ANO3: variants seen among roughly 807,000 people sequenced by gnomAD.
ANO3 encodes anoctamin-3.
A neutral mutation model predicts 144.8 loss-of-function variants in ANO3; 99 were observed. That is an observed-to-expected ratio of 0.68 (90% CI 0.58 to 0.81). The LOEUF (loss-of-function observed/expected upper bound fraction) is 0.81. Among genes scored for constraint, ANO3 ranks in the 30% least tolerant of loss-of-function variants. The pLI, the probability that ANO3 is intolerant of heterozygous loss-of-function variation, is 0.00. For missense variants in ANO3, 905 were observed against 1,202.2 expected (o/e 0.75, Z 3.66); for synonymous variants, 414 against 392.6 (o/e 1.05, Z -0.64).
At chr11:26,495,200 G>A (rs1223065190) in intron 4 of ANO3, among the ~76,000 whole-genome samples, 4 of 151,648 alleles carry the variant, frequency 2.6e-5, no homozygotes, top group Admixed American at 1.3e-4. Flanking sequence ...GAACTCCTGG[G>A]CTCAAGTGAT....
chr11:26,550,541 C>T (rs1315338924), intron 12 of ANO3, among the ~76,000 whole-genome samples: 2 of 151,942 alleles, frequency 1.3e-5, no homozygotes, highest in African/African-American at 4.8e-5. Flanking sequence ...CTGTGACTGG[C>T]TTAATTCACT....
chr11:26,492,916 C>T (rs1301631656), intron 4 of ANO3, among the ~76,000 whole-genome samples: 1 of 152,124 alleles, frequency 6.6e-6, no homozygotes, highest in Non-Finnish European at 1.5e-5. Context: ...GTCTACCTAC[C>T]AGCAAAAAAT....
In ANO3 at chr11:26,544,273, T is replaced by TATATATATATATATATATATATATAC; in HGVS notation, c.1154+2206_1154+2207insTATATATATATATATATATATATACA. 8.7e-3 allele frequency among the ~76,000 whole-genome samples: 506 copies of TATATATATATATATATATATATATAC among 58,110 alleles called. 23 individuals are homozygous for TATATATATATATATATATATATATAC. The highest frequency in any genetic ancestry group is 0.021 in the Middle Eastern group (2 of 94). The allele number at this position is 58,110 out of a possible 152,430, so 38.1% of individuals were successfully genotyped here. A position where few individuals can be genotyped will look rare whatever the true frequency, so the allele number is the denominator to read the frequency against. On this transcript the variant is annotated intron_variant, in intron 11 of 26. Coordinates refer to ENST00000256737, the MANE Select transcript of ANO3 (RefSeq NM_031418.4). The stretch of plus-strand genomic sequence containing the variant: ...ATACATATATATATATATATATATA[T>TATATATATATATATATATATATATAC]ACACACATACACACACACACACACA...
In ANO3 at chr11:26,508,265, A is replaced by G; in HGVS notation, c.591+3A>G. On this transcript the variant is annotated splice_donor_region_variant and intron_variant, in intron 5 of 26. Transcript: ENST00000256737. ...AAGGCTTGATGTTGGAGAAGGAGGT[A>G]GGTGCTTTACTATTATTAGTTATGT... 6.3e-7 allele frequency: 1 copy of G among 1,586,892 alleles called. No homozygotes were observed. Among genetic ancestry groups the G allele is most frequent in the Non-Finnish European group, 8.5e-7 (1 of 1,172,322 alleles).
At chr11:26,604,900 C>G (rs968434693) in intron 17 of ANO3, among the ~76,000 whole-genome samples, 9 of 152,038 alleles carry the variant, frequency 5.9e-5, no homozygotes, top group East Asian at 1.9e-4. Context: ...ATTCGAATAC[C>G]CTTTGTTTCA....
chr11:26,646,053 CT>C (rs1853334594), intron 23 of ANO3, among the ~76,000 whole-genome samples: 1 of 152,080 alleles, frequency 6.6e-6, no homozygotes, highest in Non-Finnish European at 1.5e-5. Context: ...AATCTTTCAC[CT>C]TTATATTTCT....
intron 17 of ANO3, among the ~76,000 whole-genome samples, chr11:26,605,454 G>A (rs1851908705): frequency 6.6e-6 from 1 of 152,160 alleles, no homozygotes; most frequent in African/African-American, 2.4e-5. Context: ...ATGAAATAGA[G>A]AGGAGTCCCT....
intron 4 of ANO3, among the ~76,000 whole-genome samples, chr11:26,469,624 T>G (rs1859711311): frequency 6.6e-6 from 1 of 151,818 alleles, no homozygotes. Flanking sequence ...TTAAAATCAG[T>G]GATAAAATTA....
At chr11:26,215,643 C>T (rs1226695783) in intron 1 of ANO3, among the ~76,000 whole-genome samples, 1 of 152,070 alleles carries the variant, frequency 6.6e-6, no homozygotes, top group East Asian at 1.9e-4. Flanking sequence ...TTCAACATTG[C>T]TACTAATTTC....
chr11:26,646,059 A>G (rs1380098622), intron 23 of ANO3, among the ~76,000 whole-genome samples: 1 of 152,092 alleles, frequency 6.6e-6, no homozygotes, highest in African/African-American at 2.4e-5. Context: ...TCACCTTTAT[A>G]TTTCTCTTCT....
intron 17 of ANO3, among the ~76,000 whole-genome samples, chr11:26,614,993 A>T (rs1567351): frequency 0.44 from 66,906 of 151,392 alleles, 15,664 homozygotes; most frequent in East Asian, 0.68. Flanking sequence ...CTCTCTACAT[A>T]TATATTCTAT....
chr11:26,505,293 G>T (rs1029485018), intron 4 of ANO3, among the ~76,000 whole-genome samples: 9 of 152,174 alleles, frequency 5.9e-5, no homozygotes, highest in African/African-American at 1.9e-4. Flanking sequence ...GCAATCAACC[G>T]GAATAAAGAA....
intron 1 of ANO3, among the ~76,000 whole-genome samples, chr11:26,359,944 C>CA (rs1206813159): frequency 6.7e-6 from 1 of 149,968 alleles, no homozygotes; most frequent in Admixed American, 6.7e-5. Flanking sequence ...TTGGAACTTA[C>CA]ATATAAATTA....
intron 14 of ANO3, chr11:26,561,162 T>C (rs1376599132): frequency 1.2e-6 from 2 of 1,612,614 alleles, no homozygotes; most frequent in Non-Finnish European, 1.7e-6. Flanking sequence ...CAAAGTTGGA[T>C]TGTAGTAGCT....
In ANO3 at chr11:26,661,312, A is replaced by G. The variant is rs923049526; in HGVS notation, c.*868A>G. ...TTATTTAATTTTTTCTCTATGATTT[A>G]TTACAACTCTCACGGAATATTAACT... On this transcript the variant is annotated 3_prime_UTR_variant, in exon 27 of 27. Transcript: ENST00000256737. 6.6e-6 allele frequency: 1 copy of G among 152,570 alleles called. No individual in the cohort carries two copies. The highest frequency in any genetic ancestry group is 2.4e-5 in the African/African-American group (1 of 41,444). The allele number at this position is 152,570 out of a possible 1,614,324, so 9.5% of individuals were successfully genotyped here. A position where few individuals can be genotyped will look rare whatever the true frequency, so the allele number is the denominator to read the frequency against.
intron 18 of ANO3, among the ~76,000 whole-genome samples, chr11:26,628,887 C>G (rs1449448664): frequency 6.6e-6 from 1 of 152,184 alleles, no homozygotes; most frequent in Admixed American, 6.5e-5. Flanking sequence ...CTATGTGCCT[C>G]TACCTGGCTA....
In ANO3 at chr11:26,661,369, TC is replaced by T. The variant is rs1046244181; in HGVS notation, c.*928del. ...GCTGTAAATACGTTGGTTTTCCTTGTCCCTTTGCACCTTGACAGTACGTAGT... is the reference window on the plus strand; with the variant it reads ...GCTGTAAATACGTTGGTTTTCCTTGTCCTTTGCACCTTGACAGTACGTAGT... On this transcript the variant is annotated 3_prime_UTR_variant, in exon 27 of 27. Coordinates refer to ENST00000256737, the MANE Select transcript of ANO3 (RefSeq NM_031418.4). 1 of 152,546 alleles carries T rather than the reference TC, an allele frequency of 6.6e-6. No homozygotes were observed. The highest frequency in any genetic ancestry group is 2.4e-5 in the African/African-American group (1 of 41,452). The allele number at this position is 152,546 out of a possible 1,614,324, so 9.4% of individuals were successfully genotyped here.
intron 1 of ANO3, among the ~76,000 whole-genome samples, chr11:26,239,209 C>A (rs1852601662): frequency 1.3e-5 from 2 of 151,810 alleles, no homozygotes; most frequent in Admixed American, 6.6e-5. Context: ...CTTCTTTAGG[C>A]AGAAAAATAA....
At chr11:26,350,140 G>A (rs1459990275) in intron 1 of ANO3, among the ~76,000 whole-genome samples, 3 of 152,122 alleles carry the variant, frequency 2.0e-5, no homozygotes, top group Admixed American at 6.5e-5. Context: ...CCAAATTTTA[G>A]AAGCCAATTC....
Sources: gnomAD v4.1 joint callset for allele counts (sites outside exome capture counted in the v4.1 genomes callset) on GRCh38, gnomAD v4.1.1 for gene constraint, MANE v1.5 for transcripts, NCBI Gene and HGNC (gene_info 2026-07-23, HGNC 2026-07-21) for gene names.